TNFSF11: variants seen among roughly 807,000 people sequenced by gnomAD.
TNFSF11 encodes the protein tumor necrosis factor ligand superfamily member 11.
In TNFSF11, 12 loss-of-function variants were observed where a neutral mutation model predicts 32.2. The observed-to-expected ratio is 0.37, with a 90% CI of 0.24 to 0.60. TNFSF11 has a LOEUF of 0.60. Among genes scored for constraint, TNFSF11 ranks in the 20% least tolerant of loss-of-function variants. The pLI, the probability that TNFSF11 is intolerant of heterozygous loss-of-function variation, is 0.66. For synonymous variants in TNFSF11, 172 were observed against 152.1 expected, an observed-to-expected ratio of 1.13 and a Z score of -0.96; for missense variants, 345 against 398.0, an observed-to-expected ratio of 0.87 and a Z score of 1.13.
chr13:42,578,032 T>G (rs1366569385), intron 1 of TNFSF11, among the ~76,000 whole-genome samples: 1 of 152,222 alleles, frequency 6.6e-6, no homozygotes, highest in Non-Finnish European at 1.5e-5. Flanking sequence ...GTAAGTTCCA[T>G]GAAGACAGGG....
At chr13:42,597,846 CTTTCT>C (rs1009869482) in intron 2 of TNFSF11, among the ~76,000 whole-genome samples, 1 of 152,022 alleles carries the variant, frequency 6.6e-6, no homozygotes, top group African/African-American at 2.4e-5. Flanking sequence ...TTTTCTTTTT[CTTTCT>C]TTTCTTTTCT....
chr13:42,593,351 G>T (rs1367415252), intron 2 of TNFSF11, among the ~76,000 whole-genome samples: 1 of 152,204 alleles, frequency 6.6e-6, no homozygotes, highest in Non-Finnish European at 1.5e-5. Context: ...CTGAAGTCTG[G>T]AAGCAGCCCC....
intron 1 of TNFSF11, among the ~76,000 whole-genome samples, chr13:42,563,621 C>G (rs1407408789): frequency 1.3e-5 from 2 of 149,560 alleles, no homozygotes; most frequent in Non-Finnish European, 2.9e-5. Context: ...TGAGATTGCA[C>G]CATTGCACTC....
At position 42,607,178 on chromosome 13, in the gene TNFSF11, C is replaced by T. The variant is rs148792272; in HGVS notation, c.*260C>T. 15 of 463,710 alleles carry T rather than the reference C, an allele frequency of 3.2e-5. No homozygotes were observed. Among genetic ancestry groups the T allele is most frequent in the East Asian group, 1.7e-4 (4 of 23,744 alleles). The allele number at this position is 463,710 out of a possible 1,614,324, so 28.7% of individuals were successfully genotyped here. On this transcript the variant is annotated 3_prime_UTR_variant, in exon 5 of 5. Coordinates refer to ENST00000398795, the MANE Select transcript of TNFSF11 (RefSeq NM_003701.4). ...GAATTAAACCAGATTGGAGCAATTA[C>T]GGGGTGACCTTATGAGAAACTGCAT...
At chr13:42,571,606 T>G (rs201827847), upstream of TNFSF11, 1 of 152,194 alleles carries the variant, frequency 6.6e-6, no homozygotes, top group Non-Finnish European at 1.5e-5. Context: ...TGGGCTCCAG[T>G]GATCCTCACG....
At chr13:42,588,752 T>G (rs1341773237) in intron 2 of TNFSF11, among the ~76,000 whole-genome samples, 1 of 152,198 alleles carries the variant, frequency 6.6e-6, no homozygotes, top group African/African-American at 2.4e-5. Flanking sequence ...GACTCTGTGA[T>G]TTCTTCAAAG....
rs201548522 is a variant in TNFSF11, at chr13:42,600,855, A to G, written c.434-28A>G. ...CCACAGGGTCACTACTATTTTGGCT[A>G]TAATAATATGGTTTCTCTCATCTCC... On this transcript the variant is annotated intron_variant, in intron 3 of 4. Transcript: ENST00000398795. The G allele has an allele frequency of 4.3e-6, 7 of 1,613,864 alleles. No homozygotes were observed. In the Admixed American group the frequency reaches 6.7e-5, roughly 15 times the overall value.
chr13:42,589,287 A>G (rs886849333), intron 2 of TNFSF11, among the ~76,000 whole-genome samples: 3 of 152,074 alleles, frequency 2.0e-5, no homozygotes, highest in African/African-American at 7.2e-5. Flanking sequence ...TGTGAATTCT[A>G]CCGCCTTACA....
chr13:42,581,643 A>G (rs994522936), intron 2 of TNFSF11, among the ~76,000 whole-genome samples: 9 of 152,236 alleles, frequency 5.9e-5, no homozygotes, highest in South Asian at 2.1e-4. Context: ...CCATCCGCTC[A>G]GTTCACAGGA....
At chr13:42,574,648 C>A in intron 1 of TNFSF11, 126 bp downstream of exon 1, 2 of 1,198,826 alleles carry the variant, frequency 1.7e-6, no homozygotes, top group Non-Finnish European at 2.4e-6. Flanking sequence ...GGGAAAGTGA[C>A]TCCAGAAGGG....
Position 42,581,185 on chromosome 13 carries a change from C to A in TNFSF11, c.279C>A (p.Leu93=), listed in dbSNP as rs1484853122. The change falls in exon 2 of 5, where the codon CTC becomes CTA. Residue 93 remains leucine, a synonymous_variant. Coordinates refer to ENST00000398795, the MANE Select transcript of TNFSF11 (RefSeq NM_003701.4). ...ACTGCATTTATAGAATTTTGAGACT[C>A]CATGAAAATGCAGATTTTCAAGACA... ...GTHCIYRILR[L]HENADFQDTT... The A allele has an allele frequency of 1.9e-6, 3 of 1,613,910 alleles. No individual in the cohort carries two copies. The Admixed American group carries it at 5.0e-5, about 27-fold the overall frequency.
At chr13:42,591,463 G>C (rs1201085682) in intron 2 of TNFSF11, among the ~76,000 whole-genome samples, 1 of 151,980 alleles carries the variant, frequency 6.6e-6, no homozygotes, top group Non-Finnish European at 1.5e-5. Flanking sequence ...CTCCCTTCCT[G>C]GTGTCTTATA....
intron 2 of TNFSF11, among the ~76,000 whole-genome samples, chr13:42,594,503 C>T (rs1479961188): frequency 1.3e-5 from 2 of 152,100 alleles, no homozygotes; most frequent in African/African-American, 4.8e-5. Flanking sequence ...GGCAGTTATT[C>T]AGCTGAATTT....
Position 42,576,885 on chromosome 13 carries a change from G to A in TNFSF11, c.219+2363G>A, listed in dbSNP as rs548653679. Among the ~76,000 whole-genome samples the A allele has an allele frequency of 1.5e-4, 23 of 152,376 alleles. 1 individual carries two copies. In the South Asian group the frequency reaches 4.3e-3, roughly 29 times the overall value. Reference sequence around the variant, plus strand: ...CATTGGTAATAGCTGAAGCGCTGATGCGTGCCTAGGGGTTCACTCTGTAAT... The same window carrying A: ...CATTGGTAATAGCTGAAGCGCTGATACGTGCCTAGGGGTTCACTCTGTAAT... On this transcript the variant is annotated intron_variant, in intron 1 of 4. Transcript: ENST00000398795.
chr13:42,567,609 C>A (rs745687941), intron 2 of TNFSF11, among the ~76,000 whole-genome samples: 7 of 152,110 alleles, frequency 4.6e-5, no homozygotes, highest in Admixed American at 4.6e-4. Context: ...ATTAAAAAAA[C>A]CCACCTGAGT....
At chr13:42,603,218 A>C (rs1452713924) in intron 4 of TNFSF11, among the ~76,000 whole-genome samples, 1 of 152,196 alleles carries the variant, frequency 6.6e-6, no homozygotes. Context: ...CATTTTCAAA[A>C]TATCTTAGAT....
chr13:42,606,750 G>C lies in TNFSF11; in HGVS notation c.786G>C (p.Lys262Asn), dbSNP rs745737334. 4 of 1,614,086 alleles carry C rather than the reference G, an allele frequency of 2.5e-6. No homozygotes were observed. The highest frequency in any genetic ancestry group is 3.4e-6 in the Non-Finnish European group (4 of 1,180,038). Residue 262 changes from lysine to asparagine, a missense_variant, in exon 5 of 5, where the codon AAG becomes AAC. Lys to Asn is a moderately conservative substitution (Grantham distance 94). Coordinates refer to ENST00000398795, the MANE Select transcript of TNFSF11 (RefSeq NM_003701.4). ...CCCTGATGAAAGGAGGAAGCACCAAGTATTGGTCAGGGAATTCTGAATTCC... is the reference window on the plus strand; with the variant it reads ...CCCTGATGAAAGGAGGAAGCACCAACTATTGGTCAGGGAATTCTGAATTCC... The part of the protein sequence containing the change: ...SHTLMKGGST[K>N]YWSGNSEFHF...
At chr13:42,573,210 G>A (rs559598533), upstream of TNFSF11, among the ~76,000 whole-genome samples, 5 of 151,168 alleles carry the variant, frequency 3.3e-5, no homozygotes, top group East Asian at 5.8e-4. Context: ...TGCATCCACA[G>A]ATGTGGAACC....
Position 42,599,349 on chromosome 13 carries a change from C to CTATTATCTATCT in TNFSF11, c.388-1403_388-1402insTATTATCTATCT, listed in dbSNP as rs11385072. On this transcript the variant is annotated intron_variant, in intron 2 of 4. Transcript: ENST00000398795. ...TCTATCTATCTATCTATCTATCTAT[C>CTATTATCTATCT]ATCTATCTATCTATCTATCTATCTA... is the stretch of plus-strand genomic sequence containing the variant. Among the ~76,000 whole-genome samples, 75 of 112,244 alleles carry CTATTATCTATCT rather than the reference C, an allele frequency of 6.7e-4. 1 individual carries two copies. The highest frequency in any genetic ancestry group is 2.1e-3 in the African/African-American group (60 of 28,296). 73.6% of individuals were successfully genotyped at this position (112,244 alleles called of 152,430 possible).
Sources: gnomAD v4.1 joint callset for allele counts (sites outside exome capture counted in the v4.1 genomes callset) on GRCh38, gnomAD v4.1.1 for gene constraint, MANE v1.5 for transcripts, NCBI Gene and HGNC (gene_info 2026-07-23, HGNC 2026-07-21) for gene names.